The following EZR variants were observed in gnomAD, a reference collection of about 807,000 sequenced individuals.
EZR encodes the protein ezrin, also known as cytovillin 2.
A neutral mutation model predicts 74.8 loss-of-function variants in EZR; 40 were observed. The observed-to-expected ratio is 0.53, with a 90% confidence interval of 0.42 to 0.70. The LOEUF (loss-of-function observed/expected upper bound fraction) is 0.70, where lower values mean the gene tolerates loss of function less well. Among genes scored for constraint, EZR ranks in the 30% least tolerant of loss-of-function variants. The pLI is 0.00. For synonymous variants in EZR, 341 were observed against 283.3 expected, an observed-to-expected ratio of 1.20 and a Z score of -2.05; for missense variants, 678 against 755.8, an observed-to-expected ratio of 0.90 and a Z score of 1.21.
intron 10 of EZR, among the ~76,000 whole-genome samples, chr6:158,770,544 A>T (rs1164678524): frequency 1.3e-5 from 2 of 152,220 alleles, no homozygotes; most frequent in Non-Finnish European, 1.5e-5. Flanking sequence ...AAGACTAGGG[A>T]AATTTTAAAA....
intron 2 of EZR, among the ~76,000 whole-genome samples, chr6:158,791,705 C>CTTTTTTTTTTT (rs1562499412): frequency 1.6e-5 from 1 of 62,602 alleles, no homozygotes; most frequent in East Asian, 2.6e-4. Context: ...TTTCAGACTC[C>CTTTTTTTTTTT]ATTTTTTTTT....
Position 158,769,774 on chromosome 6 carries a change from C to T in EZR, c.1251+10G>A, listed in dbSNP as rs765247383. On this transcript the variant is annotated intron_variant, in intron 11 of 13. Coordinates refer to ENST00000367075, the MANE Select transcript of EZR (RefSeq NM_001111077.2). ...ATAATTCAGCATCTTGAAACTCAGG[C>T]CATTCCTACCAGCTGCTCCTGGCTC... The T allele has an allele frequency of 1.5e-4, 237 of 1,613,426 alleles. 3 individuals carry two copies. The highest frequency in any genetic ancestry group is 1.5e-4 in the Non-Finnish European group (178 of 1,180,030).
rs2230143 is a variant in EZR, at chr6:158,767,377, C to T, written c.1480G>A (p.Ala494Thr). Residue 494 changes from alanine to threonine, a missense_variant, in exon 13 of 14, where the codon GCA (alanine) becomes ACA (threonine). By Grantham distance (58) the Ala-to-Thr change is moderately conservative. Around this residue, in one of 3 missense-constraint regions of EZR, gnomAD observed 342 missense variants for 341.2 expected, o/e 1.00. Transcript: ENST00000367075. ...TCCGCGCTGTAGCCCGTGGGCTCTG[C>T]GCCCTCATCCTGCAAGCTCTCCTGG... ...HVQESLQDEG[A>T]EPTGYSAELS... The T allele has an allele frequency of 2.2e-4, 354 of 1,614,002 alleles. 5 individuals carry two copies. The South Asian group carries it at 3.4e-3, about 15-fold the overall frequency.
chr6:158,769,866 T>C lies in EZR; in HGVS notation c.1169A>G (p.Glu390Gly), dbSNP rs1300619006. The C allele has an allele frequency of 6.2e-7, 1 of 1,613,832 alleles. No homozygotes were observed. Among genetic ancestry groups the C allele is most frequent in the East Asian group, 2.2e-5 (1 of 44,882 alleles). The change falls in exon 11 of 14, where the codon GAG becomes GGG. Residue 390 changes from glutamate to glycine, a missense_variant. Glu to Gly is a moderately conservative substitution (Grantham distance 98). Around this residue, in one of 3 missense-constraint regions of EZR, gnomAD observed 342 missense variants for 341.2 expected, o/e 1.00. Coordinates refer to ENST00000367075, the MANE Select transcript of EZR (RefSeq NM_001111077.2). ...KRAQEEAERL[E>G]ADRMAALRAK... ...CCGCAGTGCAGCCATACGGTCAGCC[T>C]CTAGGCGCTCGGCCTCCTCCTGTGC...
At chr6:158,802,032 T>C (rs941910000) in intron 2 of EZR, among the ~76,000 whole-genome samples, 8 of 152,230 alleles carry the variant, frequency 5.3e-5, no homozygotes, top group Non-Finnish European at 1.2e-4. Flanking sequence ...AATGACTTAG[T>C]TGCCTGTAGG....
chr6:158,787,013 G>C (rs890960963), intron 4 of EZR, 95 bp downstream of exon 4: 11 of 1,013,906 alleles, frequency 1.1e-5, no homozygotes, highest in Non-Finnish European at 1.5e-5. Context: ...AAAAGGAACA[G>C]AAAACAAAAG....
At chr6:158,783,708 T>C in intron 6 of EZR, 42 bp from the exon 7 acceptor site, 3 of 1,597,818 alleles carry the variant, frequency 1.9e-6, no homozygotes, top group Non-Finnish European at 2.6e-6. Flanking sequence ...CTGGTAGCAC[T>C]CAATATCTAG....
In EZR at chr6:158,808,492, C is replaced by T. The variant is rs187653728; in HGVS notation, c.12+9590G>A. ...ACATTTACTTACTACATTATTTCAT[C>T]GGGCTGCTAAGTTAGAGGAAAAGAA... On this transcript the variant is annotated intron_variant, in intron 2 of 13. Coordinates refer to ENST00000367075, the MANE Select transcript of EZR (RefSeq NM_001111077.2). Among the ~76,000 whole-genome samples the T allele has an allele frequency of 1.2e-4, 17 of 147,586 alleles. 1 individual carries two copies. In the East Asian group the frequency reaches 1.7e-3, roughly 15 times the overall value.
chr6:158,785,285 C>G, intron 5 of EZR, 24 bp downstream of exon 5: 3 of 1,608,944 alleles, frequency 1.9e-6, no homozygotes, highest in Non-Finnish European at 2.5e-6. Context: ...TGCTCCTGCC[C>G]AGGCCGGGTC....
chr6:158,771,799 T>C (rs576719051), intron 8 of EZR, among the ~76,000 whole-genome samples: 94 of 152,342 alleles, frequency 6.2e-4, no homozygotes, highest in African/African-American at 2.2e-3. Context: ...CAGAGCTGCC[T>C]GCTCTTCCAG....
At chr6:158,803,577 AT>A (rs1562504495) in intron 2 of EZR, among the ~76,000 whole-genome samples, 14,134 of 35,460 alleles carry the variant, frequency 0.4, 2,410 homozygotes, top group Non-Finnish European at 0.44. Context: ...ATATATATAT[AT>A]ATACATATAT....
At chr6:158,818,761 AC>A (rs974997640) in intron 1 of EZR, among the ~76,000 whole-genome samples, 4 of 143,932 alleles carry the variant, frequency 2.8e-5, no homozygotes, top group Admixed American at 1.4e-4. Context: ...CAGGAGGAAC[AC>A]CTAGGAGGAA....
chr6:158,818,602 A>C (rs1051293809), intron 1 of EZR, among the ~76,000 whole-genome samples: 5 of 93,920 alleles, frequency 5.3e-5, no homozygotes, highest in African/African-American at 1.3e-4. Flanking sequence ...CAGGGGAGAG[A>C]GCGCCGGCCG....
At chr6:158,816,893 C>T (rs1374930684) in intron 2 of EZR, among the ~76,000 whole-genome samples, 1 of 152,152 alleles carries the variant, frequency 6.6e-6, no homozygotes, top group African/African-American at 2.4e-5. Flanking sequence ...TTAGACCAGC[C>T]TGGCCAACAT....
At chr6:158,815,517 C>A (rs925679971) in intron 2 of EZR, among the ~76,000 whole-genome samples, 5 of 152,190 alleles carry the variant, frequency 3.3e-5, no homozygotes, top group African/African-American at 1.2e-4. Context: ...ACTCTGCTGC[C>A]CAGGCTGGAA....
At chr6:158,789,784 TTTG>T (rs1791684682) in intron 2 of EZR, among the ~76,000 whole-genome samples, 1 of 152,186 alleles carries the variant, frequency 6.6e-6, no homozygotes, top group Non-Finnish European at 1.5e-5. Context: ...CCTAGCTCGT[TTTG>T]TTTTTTACTT....
In EZR at chr6:158,771,273, C is replaced by T. The variant is rs1379734670; in HGVS notation, c.930G>A (p.Arg310=). 2 of 1,613,984 alleles carry T rather than the reference C, an allele frequency of 1.2e-6. No homozygotes were observed. The highest frequency in any genetic ancestry group is 8.5e-7 in the Non-Finnish European group (1 of 1,179,906). Residue 310 remains arginine (R), a synonymous_variant, in exon 9 of 14, where the codon CGG becomes CGA. Transcript: ENST00000367075. The stretch of plus-strand genomic sequence containing the variant: ...CCAGCTGCTTCTGATGCTTCTCCTC[C>T]CGGGCCTGGGCCTTCATCTGCTGCA... ...IEVQQMKAQA[R]EEKHQKQLER...
chr6:158,802,420 C>T (rs1464331680), intron 2 of EZR, among the ~76,000 whole-genome samples: 4 of 151,244 alleles, frequency 2.6e-5, no homozygotes, highest in Admixed American at 6.6e-5. Flanking sequence ...TTTTTTGATG[C>T]GTTGTTTATA....
intron 11 of EZR, 110 bp downstream of exon 11, chr6:158,769,674 C>A (rs958771217): frequency 6.9e-7 from 1 of 1,449,452 alleles, no homozygotes; most frequent in East Asian, 2.3e-5. Flanking sequence ...CCCAGCAGAT[C>A]AGTTTACAGC....
Sources: allele counts gnomAD v4.1 joint callset (sites outside exome capture counted in the v4.1 genomes callset), GRCh38; gene constraint gnomAD v4.1.1; regional missense constraint gnomAD v4.1.1; transcripts MANE v1.5; gene names NCBI Gene and HGNC (gene_info 2026-07-23, HGNC 2026-07-21).